The following PDE1A variants were observed in gnomAD, a reference collection of about 807,000 sequenced individuals.
The protein encoded by PDE1A is phosphodiesterase 1A.
In PDE1A, 35 loss-of-function variants were observed where a neutral mutation model predicts 61.7. That is an observed-to-expected ratio of 0.57 (90% CI 0.43 to 0.75). The LOEUF is 0.75. Ranked by LOEUF, PDE1A falls within the 30% of genes least tolerant of loss-of-function variation. The probability of loss-of-function intolerance (pLI) is 0.00; values close to 1 mark genes in which losing one functional copy is unlikely to be tolerated. For missense variants in PDE1A, 597 were observed against 630.6 expected (o/e 0.95, Z 0.57); for synonymous variants, 232 against 213.2 (o/e 1.09, Z -0.77).
intron 13 of PDE1A, chr2:182,168,402 G>T: frequency 2.1e-6 from 2 of 950,968 alleles, no homozygotes; most frequent in Non-Finnish European, 3.0e-6. Flanking sequence ...AAAAATTACT[G>T]TCGTAAAATT....
rs34661945 is a variant in PDE1A at position 182,382,704 on chromosome 2, G to GA, written c.53+43873dup. On this transcript the variant is annotated intron_variant, in intron 1 of 13. Transcript: ENST00000351439. ...GACACACAGCTTAGTTTACTGTTTA[G>GA]AAAAAAAAAAACTAAATTTTGAGGA... is the stretch of plus-strand genomic sequence containing the variant. Among the ~76,000 whole-genome samples the GA allele has an allele frequency of 5.2e-4, 77 of 149,406 alleles. 1 individual carries two copies. The highest frequency in any genetic ancestry group is 2.5e-3 in the Admixed American group (37 of 15,026).
intron 1 of PDE1A, among the ~76,000 whole-genome samples, chr2:182,305,280 C>T (rs1695505302): frequency 6.6e-6 from 1 of 151,734 alleles, no homozygotes; most frequent in Admixed American, 6.6e-5. Flanking sequence ...ACCTCAACTT[C>T]CCCCGTTGTT....
chr2:182,275,780 T>C (rs1693365881), intron 1 of PDE1A, among the ~76,000 whole-genome samples: 1 of 152,148 alleles, frequency 6.6e-6, no homozygotes, highest in Non-Finnish European at 1.5e-5. Context: ...ACAGCCATTT[T>C]ATTGAAACAT....
downstream of PDE1A, chr2:182,142,526 T>TGTCA (rs1690276410): frequency 2.0e-5 from 3 of 152,322 alleles, no homozygotes; most frequent in South Asian, 6.2e-4. Context: ...GCATCCCACC[T>TGTCA]GTCATTCTGT....
intron 6 of PDE1A, 79 bp from the exon 7 acceptor site, chr2:182,224,043 C>T (rs1303871674): frequency 1.2e-6 from 1 of 862,426 alleles, no homozygotes; most frequent in Non-Finnish European, 1.9e-6. Context: ...ACTTTCAGTG[C>T]ACCCTGTTTA....
the PDE1A span, among the ~76,000 whole-genome samples, chr2:182,546,675 T>C: frequency 6.6e-6 from 1 of 152,224 alleles, no homozygotes; most frequent in Non-Finnish European, 1.5e-5. Context: ...GTTGCCCTGT[T>C]GTTGGTTCCT....
chr2:182,548,759 A>C, the PDE1A span, among the ~76,000 whole-genome samples: 2 of 152,050 alleles, frequency 1.3e-5, no homozygotes, highest in African/African-American at 4.8e-5. Context: ...CCCACTTGGA[A>C]CCAGATTCCA....
chr2:182,357,815 A>G (rs1699281439), intron 1 of PDE1A, among the ~76,000 whole-genome samples: 1 of 152,204 alleles, frequency 6.6e-6, no homozygotes, highest in Non-Finnish European at 1.5e-5. Context: ...ATTGCTCCAT[A>G]ATGCCTTTCA....
chr2:182,451,950 T>C (rs917147247), intron 2 of PDE1A, among the ~76,000 whole-genome samples: 6 of 152,016 alleles, frequency 3.9e-5, no homozygotes, highest in African/African-American at 1.4e-4. Flanking sequence ...ACTGGTTCCA[T>C]AGCAGCAAAA....
intron 13 of PDE1A, among the ~76,000 whole-genome samples, chr2:182,173,050 T>A (rs1359067322): frequency 6.6e-6 from 1 of 152,024 alleles, no homozygotes; most frequent in East Asian, 1.9e-4. Context: ...AGGTTCCCAT[T>A]GCCATTTCCT....
At chr2:182,661,964 A>C in the PDE1A span, among the ~76,000 whole-genome samples, 1 of 152,090 alleles carries the variant, frequency 6.6e-6, no homozygotes, top group Non-Finnish European at 1.5e-5. Context: ...AAAAATCCAA[A>C]GAAAATTTTA....
chr2:182,172,516 AG>A (rs1284121566), intron 13 of PDE1A, among the ~76,000 whole-genome samples: 1 of 152,040 alleles, frequency 6.6e-6, no homozygotes, highest in Non-Finnish European at 1.5e-5. Context: ...CACCCAAAGC[AG>A]AATGCCAGAA....
chr2:182,560,205 C>T, the PDE1A span, among the ~76,000 whole-genome samples: 3 of 142,956 alleles, frequency 2.1e-5, no homozygotes, highest in South Asian at 7.2e-4. Context: ...TAATGCTATC[C>T]CTCTCCCCTC....
the PDE1A span, among the ~76,000 whole-genome samples, chr2:182,609,502 A>G: frequency 6.6e-6 from 1 of 152,336 alleles, no homozygotes; most frequent in East Asian, 1.9e-4. Flanking sequence ...GAAGGTCTGC[A>G]GCCTCACTCC....
At chr2:182,627,193 A>G in the PDE1A span, among the ~76,000 whole-genome samples, 6 of 24,230 alleles carry the variant, frequency 2.5e-4, no homozygotes, top group Non-Finnish European at 3.4e-4. Flanking sequence ...AAATATAAAT[A>G]TTATATTATT....
the PDE1A span, among the ~76,000 whole-genome samples, chr2:182,626,778 TATAC>T: frequency 0.014 from 57 of 4,130 alleles, 4 homozygotes; most frequent in Admixed American, 0.16. Context: ...TATACATATA[TATAC>T]ATATATATAC....
chr2:182,492,527 T>G (rs952659274), intron 2 of PDE1A, among the ~76,000 whole-genome samples: 29 of 152,146 alleles, frequency 1.9e-4, no homozygotes, highest in African/African-American at 6.0e-4. Context: ...CTATCAAACT[T>G]TCTGAAATTC....
chr2:182,549,935 T>G, the PDE1A span, among the ~76,000 whole-genome samples: 4 of 152,226 alleles, frequency 2.6e-5, no homozygotes, highest in Non-Finnish European at 4.4e-5. Flanking sequence ...AATTTAGCTA[T>G]TATCTTTATG....
chr2:182,165,396 G>T (rs1691603790), downstream of PDE1A, among the ~76,000 whole-genome samples: 1 of 152,142 alleles, frequency 6.6e-6, no homozygotes, highest in African/African-American at 2.4e-5. Flanking sequence ...TGATTCTTGA[G>T]TCAACAGGCT....
Sources: gnomAD v4.1 joint callset for allele counts (sites outside exome capture counted in the v4.1 genomes callset) on GRCh38, gnomAD v4.1.1 for gene constraint, MANE v1.5 for transcripts, NCBI Gene and HGNC (gene_info 2026-07-23, HGNC 2026-07-21) for gene names.